CHI3L1: variants seen among roughly 807,000 people sequenced by gnomAD.
CHI3L1 encodes chitinase-3-like protein 1.
In CHI3L1, 30 loss-of-function variants were observed where a neutral mutation model predicts 40.7. The ratio of observed to expected loss-of-function variants is 0.74; its 90% CI spans 0.55 to 1.00. The LOEUF (loss-of-function observed/expected upper bound fraction) is 1.00, where lower values mean the gene tolerates loss of function less well. CHI3L1 is among the 50% of genes least tolerant of loss of function. The probability of loss-of-function intolerance (pLI) is 0.00; values close to 1 mark genes in which losing one functional copy is unlikely to be tolerated. For missense variants in CHI3L1, 493 were observed against 492.2 expected (o/e 1.00, Z -0.01); for synonymous variants, 210 against 192.1 (o/e 1.09, Z -0.77).
At chr1:203,182,673 G>T in intron 6 of CHI3L1, 58 bp downstream of exon 6, 1 of 1,606,326 alleles carries the variant, frequency 6.2e-7, no homozygotes, top group Non-Finnish European at 8.5e-7. Flanking sequence ...TGGGGGTGGC[G>T]GGGAAACAGG....
Position 203,181,142 on chromosome 1 carries a change from C to A in CHI3L1, c.711+20G>T, listed in dbSNP as rs777830288. On this transcript the variant is annotated intron_variant, in intron 7 of 9. Coordinates refer to ENST00000255409, the MANE Select transcript of CHI3L1 (RefSeq NM_001276.4). ...GGTCTTGCGGCCCCCTCCTGGCCCT[C>A]CCTCCTTCTGGGAACTCACAGTGTT... is the stretch of plus-strand genomic sequence containing the variant. 1 of 1,613,084 alleles carries A rather than the reference C, an allele frequency of 6.2e-7. No individual in the cohort carries two copies. Among genetic ancestry groups the A allele is most frequent in the African/African-American group, 1.3e-5 (1 of 74,912 alleles).
At chr1:203,186,518 C>A (rs1656059219) in intron 1 of CHI3L1, 81 bp downstream of exon 1, 1 of 1,591,452 alleles carries the variant, frequency 6.3e-7, no homozygotes, top group Non-Finnish European at 8.6e-7. Context: ...AGTCCCTCAC[C>A]CAGCAGGCAG....
intron 8 of CHI3L1, chr1:203,180,235 C>T: frequency 1.7e-6 from 1 of 572,752 alleles, no homozygotes; most frequent in South Asian, 2.3e-5. Flanking sequence ...ACCTCAGCCC[C>T]ATAGCCAGAG....
In CHI3L1 at chr1:203,180,888, G is replaced by A. The variant is rs570840089; in HGVS notation, c.712-236C>T. Reference sequence around the variant, plus strand: ...TATTTGACAGATGCAGAAATCAGGTGGTTGGCTCTGAGGGCACAATGACTC... The same window carrying A: ...TATTTGACAGATGCAGAAATCAGGTAGTTGGCTCTGAGGGCACAATGACTC... On this transcript the variant is annotated intron_variant, in intron 7 of 9. Transcript: ENST00000255409. Among the ~76,000 whole-genome samples the A allele has an allele frequency of 3.3e-5, 5 of 152,324 alleles. No homozygotes were observed. The South Asian group carries it at 1.0e-3, about 32-fold the overall frequency.
chr1:203,179,833 G>A lies in CHI3L1; in HGVS notation c.939C>T (p.Gly313=), dbSNP rs369593117. Residue 313 remains glycine (G), a synonymous_variant, in exon 9 of 10, where the codon GGC becomes GGT. Transcript: ENST00000255409. The stretch of plus-strand genomic sequence containing the variant: ...CCTTGGTGGCATAGGGGACCTGCTG[G>A]CCGAGGATTCTATGGACTGTGGCTC... The part of the protein sequence containing the change: ...LRGATVHRIL[G]QQVPYATKGN... 5 of 1,614,154 alleles carry A rather than the reference G, an allele frequency of 3.1e-6. No homozygotes were observed. The highest frequency in any genetic ancestry group is 2.2e-5 in the East Asian group (1 of 44,878).
chr1:203,179,960 T>C lies in CHI3L1; in HGVS notation c.895-83A>G, dbSNP rs951612661. On this transcript the variant is annotated intron_variant, in intron 8 of 9. Coordinates refer to ENST00000255409, the MANE Select transcript of CHI3L1 (RefSeq NM_001276.4). ...ACCAGGAGACGCCACTCTCCAAATC[T>C]CTTTTAGCTCCTGCTCCATCCTGCA... The C allele has an allele frequency of 1.3e-5, 16 of 1,263,194 alleles. No individual in the cohort carries two copies. In the African/African-American group the frequency reaches 2.1e-4, roughly 16 times the overall value. The allele number at this position is 1,263,194 out of a possible 1,614,324, so 78.2% of individuals were successfully genotyped here. A position where few individuals can be genotyped will look rare whatever the true frequency, so the allele number is the denominator to read the frequency against.
chr1:203,179,595 G>A lies in CHI3L1; in HGVS notation c.1012-10C>T. The A allele has an allele frequency of 6.2e-7, 1 of 1,611,994 alleles. No homozygotes were observed. Among genetic ancestry groups the A allele is most frequent in the Non-Finnish European group, 8.5e-7 (1 of 1,178,356 alleles). ...CCTTCAGGTACTGCACCTGGCAGGG[G>A]AGGCCCAGAGGAGCAGGGCTGGGTT... On this transcript the variant is annotated splice_polypyrimidine_tract_variant and intron_variant, in intron 9 of 9. Coordinates refer to ENST00000255409, the MANE Select transcript of CHI3L1 (RefSeq NM_001276.4).
At chr1:203,184,244 T>C (rs1457088277) in intron 4 of CHI3L1, among the ~76,000 whole-genome samples, 2 of 152,150 alleles carry the variant, frequency 1.3e-5, no homozygotes, top group Admixed American at 6.5e-5. Context: ...CTTCTCAATG[T>C]CCCCATTGGT....
intron 1 of CHI3L1, 92 bp from the exon 2 acceptor site, chr1:203,186,437 C>A: frequency 6.7e-7 from 1 of 1,486,578 alleles, no homozygotes. Flanking sequence ...ACCTCCCCCA[C>A]CCCCACCTCC....
chr1:203,185,773 C>T (rs1656043105), intron 2 of CHI3L1, among the ~76,000 whole-genome samples: 1 of 152,122 alleles, frequency 6.6e-6, no homozygotes, highest in African/African-American at 2.4e-5. Flanking sequence ...TCACAGATGG[C>T]CCTGGCTTTC....
chr1:203,181,327 A>G (rs1196962299), intron 6 of CHI3L1, 42 bp from the exon 7 acceptor site: 1 of 1,606,782 alleles, frequency 6.2e-7, no homozygotes, highest in African/African-American at 1.3e-5. Context: ...GAAATTATTA[A>G]TAGAAAAGCT....
rs966521556 is a variant in CHI3L1, at chr1:203,183,637, G to C, written c.465+4C>G. On this transcript the variant is annotated splice_donor_region_variant and intron_variant, in intron 5 of 9. Transcript: ENST00000255409. The stretch of plus-strand genomic sequence containing the variant: ...TCCCTCCCTGTCCCTGACCTGACCA[G>C]CACCTTGATTAGGGTGGTAAAATGC... 6.2e-7 allele frequency: 1 copy of C among 1,613,894 alleles called. No individual in the cohort carries two copies. The highest frequency in any genetic ancestry group is 2.2e-5 in the East Asian group (1 of 44,890).
chr1:203,179,787 C>T lies in CHI3L1; in HGVS notation c.985G>A (p.Asp329Asn), dbSNP rs142178236. 126 of 1,614,202 alleles carry T rather than the reference C, an allele frequency of 7.8e-5. 1 individual carries two copies. The highest frequency in any genetic ancestry group is 7.2e-4 in the South Asian group (66 of 91,088). ...TTGCTTTTGACGCTTTCCTGGTCGT[C>T]GTATCCTACCCACTGGTTGCCCTTG... The part of the protein sequence containing the change: ...ATKGNQWVGY[D>N]DQESVKSKVQ... The change falls in exon 9 of 10, where the codon GAC becomes AAC. Residue 329 changes from aspartate to asparagine, a missense_variant. Physicochemically the swap from Asp to Asn is conservative, Grantham distance 23. Transcript: ENST00000255409.
chr1:203,184,942 A>T (rs1656023550), intron 3 of CHI3L1, among the ~76,000 whole-genome samples: 1 of 152,054 alleles, frequency 6.6e-6, no homozygotes, highest in Non-Finnish European at 1.5e-5. Context: ...AGAGCACGTT[A>T]GGGGCAGGAG....
chr1:203,181,294 G>A lies in CHI3L1; in HGVS notation c.588-9C>T, dbSNP rs1238222271. ...TAATGAAATCCAGGTGTCTGAGGAG[G>A]AAGGGGATGGAGGGTGAGGCAGGAA... On this transcript the variant is annotated splice_polypyrimidine_tract_variant and intron_variant, in intron 6 of 9. Transcript: ENST00000255409. The A allele has an allele frequency of 1.2e-6, 2 of 1,613,686 alleles. No individual in the cohort carries two copies. The highest frequency in any genetic ancestry group is 1.7e-6 in the Non-Finnish European group (2 of 1,179,746).
At position 203,179,231 on chromosome 1, in the gene CHI3L1, C is replaced by A. The variant is rs77111685; in HGVS notation, c.*214G>T. On this transcript the variant is annotated 3_prime_UTR_variant, in exon 10 of 10. Coordinates refer to ENST00000255409, the MANE Select transcript of CHI3L1 (RefSeq NM_001276.4). Reference sequence around the variant, plus strand: ...TGTACTAATCCCGAGTCTTACATTGCGATGCCTCACTATCCCCACAGCCCC... The same window carrying A: ...TGTACTAATCCCGAGTCTTACATTGAGATGCCTCACTATCCCCACAGCCCC... 0.015 allele frequency: 6,856 copies of A among 450,278 alleles called. 402 individuals carry two copies. Among genetic ancestry groups the A allele is most frequent in the East Asian group, 0.13 (4,226 of 31,846 alleles). 27.9% of individuals were successfully genotyped at this position (450,278 alleles called of 1,614,324 possible).
Position 203,185,377 on chromosome 1 carries a change from A to G in CHI3L1, c.64T>C (p.Tyr22His). The change falls in exon 3 of 10, where the codon TAC (tyrosine) becomes CAC (histidine). Residue 22 changes from tyrosine to histidine, a missense_variant. Transcript: ENST00000255409. The part of the protein sequence containing the change: ...VLVLLQCCSA[Y>H]KLVCYYTSWS... ...CTGGTGTAGTAGCAGACCAGTTTGT[A>G]TGCAGAGCCTGAAGGAGAAGTCTGG... The G allele has an allele frequency of 6.2e-7, 1 of 1,613,968 alleles. No homozygotes were observed. Among genetic ancestry groups the G allele is most frequent in the Non-Finnish European group, 8.5e-7 (1 of 1,179,992 alleles).
In CHI3L1 at chr1:203,186,305, G is replaced by A. The variant is rs751780645; in HGVS notation, c.55+11C>T. ...TCTGGACTTAAAAGTGGAGGTGGAG[G>A]GATTACTCACAGCACTGGAGCAGCA... On this transcript the variant is annotated intron_variant, in intron 2 of 9. Transcript: ENST00000255409. 2 of 1,584,260 alleles carry A rather than the reference G, an allele frequency of 1.3e-6. No homozygotes were observed. Among genetic ancestry groups the A allele is most frequent in the Non-Finnish European group, 1.7e-6 (2 of 1,164,276 alleles).
At position 203,180,458 on chromosome 1, in the gene CHI3L1, C is replaced by A. The variant is rs769910724; in HGVS notation, c.894+12G>T. On this transcript the variant is annotated intron_variant, in intron 8 of 9. Coordinates refer to ENST00000255409, the MANE Select transcript of CHI3L1 (RefSeq NM_001276.4). Reference sequence around the variant, plus strand: ...GTGTGGGGGAATCCTACCTTCTCCCCAACTCCATTACCTCATAGTAGGCAA... The same window carrying A: ...GTGTGGGGGAATCCTACCTTCTCCCAAACTCCATTACCTCATAGTAGGCAA... 1.3e-6 allele frequency: 2 copies of A among 1,546,176 alleles called. No individual in the cohort carries two copies. Among genetic ancestry groups the A allele is most frequent in the East Asian group, 2.4e-5 (1 of 41,708 alleles).
Sources: gnomAD v4.1 joint callset for allele counts (sites outside exome capture counted in the v4.1 genomes callset) on GRCh38, gnomAD v4.1.1 for gene constraint, MANE v1.5 for transcripts, NCBI Gene and HGNC (gene_info 2026-07-23, HGNC 2026-07-21) for gene names.